Variants in CHST15 observed in about 807,000 individuals in gnomAD.
The protein encoded by CHST15 is carbohydrate sulfotransferase 15.
In CHST15, 30 loss-of-function variants were observed where a neutral mutation model predicts 53.6. That is an observed-to-expected ratio of 0.56 (90% CI 0.42 to 0.76). The LOEUF (loss-of-function observed/expected upper bound fraction) is 0.76. Among genes scored for constraint, CHST15 ranks in the 30% least tolerant of loss-of-function variants. The pLI is 0.00. For missense variants in CHST15, 627 were observed against 740.5 expected, an observed-to-expected ratio of 0.85 and a Z score of 1.78; for synonymous variants, 296 against 289.8, an observed-to-expected ratio of 1.02 and a Z score of -0.22.
chr10:124,038,275 T>C (rs916597330), intron 5 of CHST15, among the ~76,000 whole-genome samples: 3 of 151,908 alleles, frequency 2.0e-5, no homozygotes, highest in African/African-American at 4.8e-5. Context: ...TCTGGTAATT[T>C]TTGTATTTTT....
At chr10:124,010,549 C>T (rs930418374) in intron 7 of CHST15, 1 of 985,318 alleles carries the variant, frequency 1.0e-6, no homozygotes, top group Admixed American at 6.1e-5. Context: ...AGAAATTCTG[C>T]GGCGGGTGCA....
chr10:124,083,379 A>G (rs1949315877), intron 1 of CHST15, among the ~76,000 whole-genome samples: 1 of 152,176 alleles, frequency 6.6e-6, no homozygotes, highest in South Asian at 2.1e-4. Context: ...CACCACTCAA[A>G]TGGCAACTGA....
At chr10:124,017,152 T>C (rs1290515981) in intron 6 of CHST15, among the ~76,000 whole-genome samples, 4 of 152,152 alleles carry the variant, frequency 2.6e-5, no homozygotes, top group Admixed American at 1.3e-4. Flanking sequence ...TTTAAAGCTA[T>C]TAAAATAAAC....
rs1946331482 is a variant in CHST15, at chr10:124,008,616, C to T, written c.*1533G>A. The stretch of plus-strand genomic sequence containing the variant: ...TGTCCCTTCTCTGATGGCAGAAAGA[C>T]AACACCAGCAGAAAGACGGCTGAAC... On this transcript the variant is annotated 3_prime_UTR_variant, in exon 8 of 8. Transcript: ENST00000435907. 2.9e-6 allele frequency: 3 copies of T among 1,033,344 alleles called. No individual in the cohort carries two copies. In the Admixed American group the frequency reaches 1.5e-4, roughly 52 times the overall value. The allele number at this position is 1,033,344 out of a possible 1,614,324, so 64.0% of individuals were successfully genotyped here.
intron 1 of CHST15, among the ~76,000 whole-genome samples, chr10:124,057,038 T>C (rs1948408925): frequency 6.6e-6 from 1 of 152,188 alleles, no homozygotes. Flanking sequence ...ATAATTTGCA[T>C]TTTAAAACTT....
chr10:124,075,888 G>A (rs1949059194), intron 1 of CHST15, among the ~76,000 whole-genome samples: 1 of 152,188 alleles, frequency 6.6e-6, no homozygotes, highest in Non-Finnish European at 1.5e-5. Context: ...TGCTTCCTGG[G>A]CGGGATTTTA....
At chr10:124,023,281 T>C (rs187993970) in intron 5 of CHST15, among the ~76,000 whole-genome samples, 12 of 151,960 alleles carry the variant, frequency 7.9e-5, no homozygotes, top group Non-Finnish European at 1.0e-4. Flanking sequence ...ACCTAGGAGT[T>C]CAAGTCCAGC....
chr10:124,050,874 C>T (rs568458296), intron 1 of CHST15, among the ~76,000 whole-genome samples: 1 of 152,214 alleles, frequency 6.6e-6, no homozygotes, highest in South Asian at 2.1e-4. Flanking sequence ...AGGGACCAGG[C>T]TCTGTAGAGT....
At chr10:124,073,224 A>G (rs569498739) in intron 1 of CHST15, among the ~76,000 whole-genome samples, 2 of 152,232 alleles carry the variant, frequency 1.3e-5, no homozygotes, top group Non-Finnish European at 2.9e-5. Context: ...CCACAGTAGA[A>G]CGGACAAATA....
intron 5 of CHST15, among the ~76,000 whole-genome samples, 182 bp from the exon 6 acceptor site, chr10:124,021,594 G>A (rs1224399104): frequency 7.9e-5 from 12 of 151,942 alleles, no homozygotes; most frequent in Admixed American, 5.9e-4. Flanking sequence ...CGCCCTTCTC[G>A]TGGCCACCTA....
Position 124,019,788 on chromosome 10 carries a change from ACTT to A in CHST15, c.1347+1465_1347+1467del. On this transcript the variant is annotated intron_variant, in intron 6 of 7. Transcript: ENST00000435907. The surrounding 1 kb of genome is among the most constrained non-coding windows in gnomAD (Gnocchi z 4.6). ...CCATCTCTCTCAGGGTGATGTCTAGACTTCTTCTGAGGCTAGACCAGGTGGTGC... is the reference window on the plus strand; with the variant it reads ...CCATCTCTCTCAGGGTGATGTCTAGACTTCTGAGGCTAGACCAGGTGGTGC... The A allele has an allele frequency of 6.1e-6, 6 of 985,278 alleles. No homozygotes were observed. Among genetic ancestry groups the A allele is most frequent in the Non-Finnish European group, 7.2e-6 (6 of 829,892 alleles). The allele number at this position is 985,278 out of a possible 1,614,324, so 61.0% of individuals were successfully genotyped here.
intron 1 of CHST15, among the ~76,000 whole-genome samples, chr10:124,073,904 G>T (rs1948998875): frequency 6.6e-6 from 1 of 152,122 alleles, no homozygotes. Flanking sequence ...GGGTTTCCAG[G>T]GTCTTAAATG....
At chr10:124,060,526 G>A (rs1225138557) in intron 1 of CHST15, among the ~76,000 whole-genome samples, 3 of 149,140 alleles carry the variant, frequency 2.0e-5, no homozygotes, top group Admixed American at 1.3e-4. Flanking sequence ...AGGGATGTGT[G>A]GAGTTGTGCC....
intron 1 of CHST15, among the ~76,000 whole-genome samples, chr10:124,062,541 T>C (rs550339277): frequency 6.6e-6 from 1 of 152,110 alleles, no homozygotes; most frequent in Admixed American, 6.5e-5. Context: ...GGCGTGGAGA[T>C]TAGACGGGAA....
chr10:124,062,261 A>C (rs1412273333), intron 1 of CHST15, among the ~76,000 whole-genome samples: 2 of 152,186 alleles, frequency 1.3e-5, no homozygotes, highest in African/African-American at 4.8e-5. Flanking sequence ...CCAATGCCCA[A>C]AGAGCGTTTG....
chr10:124,025,168 C>T lies in CHST15; in HGVS notation c.1191-3756G>A, dbSNP rs1299047130. 2.0e-5 allele frequency among the ~76,000 whole-genome samples: 3 copies of T among 152,206 alleles called. No individual in the cohort carries two copies. The East Asian group carries it at 5.8e-4, about 29-fold the overall frequency. The stretch of plus-strand genomic sequence containing the variant: ...CTTGTCTTGATTTTAAATACAAAGT[C>T]ACTTCATGAGGAATCTGCTGATTCC... On this transcript the variant is annotated intron_variant, in intron 5 of 7. Coordinates refer to ENST00000435907, the MANE Select transcript of CHST15 (RefSeq NM_001270764.2).
chr10:124,010,449 G>C (rs927854757), intron 7 of CHST15, 110 bp from the exon 8 acceptor site: 1 of 1,426,704 alleles, frequency 7.0e-7, no homozygotes, highest in South Asian at 1.6e-5. Context: ...TTTCCTTTAA[G>C]AGAACATATT....
intron 2 of CHST15, among the ~76,000 whole-genome samples, chr10:124,045,146 T>TAAAAAAAAAAAAAAAAAAAAAAAAAAAAA (rs1947946994): frequency 1.9e-5 from 1 of 52,184 alleles, no homozygotes; most frequent in Admixed American, 1.8e-4. Context: ...AAAAAAAAAC[T>TAAAAAAAAAAAAAAAAAAAAAAAAAAAAA]TGGAGAGAAT....
At chr10:124,028,452 T>TA (rs1230951675) in intron 5 of CHST15, among the ~76,000 whole-genome samples, 3 of 152,190 alleles carry the variant, frequency 2.0e-5, no homozygotes, top group Non-Finnish European at 4.4e-5. Context: ...TCATATCGTT[T>TA]TTATATTGAG....
Sources: gnomAD v4.1 joint callset for allele counts (sites outside exome capture counted in the v4.1 genomes callset) on GRCh38, gnomAD v4.1.1 for gene constraint, Gnocchi (gnomAD v3.1) non-coding constraint, MANE v1.5 for transcripts, NCBI Gene and HGNC (gene_info 2026-07-23, HGNC 2026-07-21) for gene names.